The following FUT8 variants were observed in gnomAD, a reference collection of about 807,000 sequenced individuals.
FUT8 encodes the protein alpha-(1,6)-fucosyltransferase.
A neutral mutation model predicts 71.3 loss-of-function variants in FUT8; 29 were observed. The ratio of observed to expected loss-of-function variants is 0.41; its 90% confidence interval spans 0.30 to 0.55. The LOEUF (loss-of-function observed/expected upper bound fraction) is 0.55, where lower values mean the gene tolerates loss of function less well. FUT8 is among the 20% of genes least tolerant of loss of function. The probability of loss-of-function intolerance (pLI) is 0.34; values close to 1 mark genes in which losing one functional copy is unlikely to be tolerated. For missense variants in FUT8, 544 were observed against 702.1 expected (o/e 0.77, Z 2.55); for synonymous variants, 254 against 239.3 (o/e 1.06, Z -0.57).
chr14:65,468,208 C>T (rs1270647609), intron 2 of FUT8: 3 of 630,374 alleles, frequency 4.8e-6, no homozygotes, highest in Admixed American at 1.8e-5. Flanking sequence ...TTGAATAGTA[C>T]CCATTCCCTT....
intron 7 of FUT8, among the ~76,000 whole-genome samples, chr14:65,709,946 A>G (rs1438630304): frequency 6.6e-6 from 1 of 152,168 alleles, no homozygotes; most frequent in Non-Finnish European, 1.5e-5. Flanking sequence ...ACAAAATCAC[A>G]TTCTGCAATT....
intron 3 of FUT8, among the ~76,000 whole-genome samples, chr14:65,581,739 C>T (rs149060570): frequency 1.2e-3 from 185 of 151,736 alleles, no homozygotes; most frequent in African/African-American, 3.9e-3. Flanking sequence ...ATGTATGATA[C>T]GTGAGTTTGT....
At position 65,669,369 on chromosome 14, in the gene FUT8, A is replaced by T. The variant is rs780167793; in HGVS notation, c.724A>T (p.Ile242Phe). The stretch of plus-strand genomic sequence containing the variant: ...TGCATATGGCACCCAGCGAACACTC[A>T]TCTTGGAATCTCAGAATTGGCGCTA... ...MIAYGTQRTL[I>F]LESQNWRYAT... Residue 242 changes from isoleucine to phenylalanine, a missense_variant, in exon 7 of 11, where the codon ATC becomes TTC. Ile to Phe is a conservative substitution (Grantham distance 21, BLOSUM62 0). Transcript: ENST00000673929. The surrounding 1 kb of genome is among the most constrained non-coding windows in gnomAD (Gnocchi z 4.5). 2 of 1,613,726 alleles carry T rather than the reference A, an allele frequency of 1.2e-6. No individual in the cohort carries two copies. The highest frequency in any genetic ancestry group is 2.7e-5 in the African/African-American group (2 of 74,890).
chr14:65,667,802 GGGTACCAAACACCAT>G (rs1892290428), intron 6 of FUT8, among the ~76,000 whole-genome samples: 1 of 151,950 alleles, frequency 6.6e-6, no homozygotes, highest in Admixed American at 6.6e-5. Context: ...ACCATGGTAT[GGGTACCAAACACCAT>G]GGTACCCATA....
chr14:65,458,433 G>A (rs996628463), intron 2 of FUT8, among the ~76,000 whole-genome samples: 1 of 137,044 alleles, frequency 7.3e-6, no homozygotes, highest in Non-Finnish European at 1.6e-5. Context: ...TATGTAGGAT[G>A]AAAGTGATAG....
At position 65,509,210 on chromosome 14, in the gene FUT8, C is replaced by T. The variant is rs564827050; in HGVS notation, c.-227-52127C>T. Among the ~76,000 whole-genome samples, 5 of 152,032 alleles carry T rather than the reference C, an allele frequency of 3.3e-5. No individual in the cohort carries two copies. The East Asian group carries it at 5.8e-4, about 18-fold the overall frequency. On this transcript the variant is annotated intron_variant, in intron 2 of 10. Coordinates refer to ENST00000673929, the MANE Select transcript of FUT8 (RefSeq NM_001371533.1). The stretch of plus-strand genomic sequence containing the variant: ...TTTTCTGCCATGTATGTTTTTGGCA[C>T]CTTTGTCAAAAATGAGTTCACTGTA...
upstream of FUT8, among the ~76,000 whole-genome samples, chr14:65,407,138 TAAA>T (rs2065091451): frequency 6.6e-6 from 1 of 152,168 alleles, no homozygotes; most frequent in South Asian, 2.1e-4. Flanking sequence ...CTTTGTTACA[TAAA>T]AGTTGAACCA....
chr14:65,711,492 T>C (rs1264156642), intron 7 of FUT8, among the ~76,000 whole-genome samples: 1 of 152,196 alleles, frequency 6.6e-6, no homozygotes. Context: ...TTTCTCTCTT[T>C]TTTATAACAA....
chr14:65,372,085 C>G, the FUT8 span, among the ~76,000 whole-genome samples: 1 of 152,128 alleles, frequency 6.6e-6, no homozygotes, highest in Non-Finnish European at 1.5e-5. Context: ...AGAAAACTGA[C>G]CCTTGTTATC....
At chr14:65,650,964 A>G (rs1451378713) in intron 6 of FUT8, among the ~76,000 whole-genome samples, 4 of 152,284 alleles carry the variant, frequency 2.6e-5, no homozygotes, top group South Asian at 4.1e-4. Context: ...CTGTCCTGCA[A>G]TAATGAGGGT....
chr14:65,609,031 A>G (rs1244532636), intron 3 of FUT8, among the ~76,000 whole-genome samples: 2 of 151,898 alleles, frequency 1.3e-5, no homozygotes, highest in Admixed American at 1.3e-4. Flanking sequence ...GCAGTGGCTC[A>G]TGTCTGTAAT....
intron 7 of FUT8, among the ~76,000 whole-genome samples, chr14:65,701,428 A>C (rs1388246955): frequency 6.6e-6 from 1 of 152,222 alleles, no homozygotes; most frequent in Non-Finnish European, 1.5e-5. Flanking sequence ...TCTGTCCCAA[A>C]GTAGGCTATT....
At chr14:65,416,158 A>C (rs2065216020) in intron 1 of FUT8, among the ~76,000 whole-genome samples, 1 of 152,190 alleles carries the variant, frequency 6.6e-6, no homozygotes. Flanking sequence ...TAAATGGTGG[A>C]TACATCATTT....
intron 2 of FUT8, among the ~76,000 whole-genome samples, chr14:65,474,782 C>T (rs1208299788): frequency 6.6e-6 from 1 of 152,128 alleles, no homozygotes; most frequent in Non-Finnish European, 1.5e-5. Flanking sequence ...AAATACTACA[C>T]AGTTCATTTT....
the FUT8 span, among the ~76,000 whole-genome samples, chr14:65,402,661 G>C: frequency 9.4e-5 from 8 of 85,256 alleles, no homozygotes; most frequent in Admixed American, 9.7e-4. Context: ...GTGAGACTCC[G>C]TCTAAAGCAA....
intron 2 of FUT8, among the ~76,000 whole-genome samples, chr14:65,528,353 G>A (rs541160821): frequency 4.6e-5 from 7 of 152,332 alleles, no homozygotes; most frequent in South Asian, 2.1e-4. Flanking sequence ...CGAGCCAGGC[G>A]CGGGATATAA....
In FUT8 at chr14:65,743,960, C is replaced by G. The variant is rs1896619791; in HGVS notation, c.*1550C>G. 6.6e-6 allele frequency: 1 copy of G among 151,826 alleles called. No individual in the cohort carries two copies. The highest frequency in any genetic ancestry group is 6.6e-5 in the Admixed American group (1 of 15,234). 9.4% of individuals were successfully genotyped at this position (151,826 alleles called of 1,614,324 possible). A position where few individuals can be genotyped will look rare whatever the true frequency, so the allele number is the denominator to read the frequency against. On this transcript the variant is annotated 3_prime_UTR_variant, in exon 11 of 11. Transcript: ENST00000673929. ...GAGCTATTAGTCCTGGCCTTCATATCTTCACCAAATGAAAATACTGTATAT... is the reference window on the plus strand; with the variant it reads ...GAGCTATTAGTCCTGGCCTTCATATGTTCACCAAATGAAAATACTGTATAT...
At chr14:65,418,246 G>A (rs149162501) in intron 1 of FUT8, among the ~76,000 whole-genome samples, 2 of 152,200 alleles carry the variant, frequency 1.3e-5, no homozygotes, top group East Asian at 1.9e-4. Flanking sequence ...TACCTTTAAC[G>A]TATAACTAAA....
At chr14:65,687,474 CTT>C (rs1175218948) in intron 7 of FUT8, among the ~76,000 whole-genome samples, 1 of 152,004 alleles carries the variant, frequency 6.6e-6, no homozygotes, top group Non-Finnish European at 1.5e-5. Flanking sequence ...TTAAATAAAA[CTT>C]TTAAGTTTAA....
Sources: gnomAD v4.1 joint callset for allele counts (sites outside exome capture counted in the v4.1 genomes callset) on GRCh38, gnomAD v4.1.1 for gene constraint, Gnocchi (gnomAD v3.1) non-coding constraint, MANE v1.5 for transcripts, NCBI Gene and HGNC (gene_info 2026-07-23, HGNC 2026-07-21) for gene names.